The following ZNF385D variants were observed in gnomAD, a reference collection of about 807,000 sequenced individuals.
The protein encoded by ZNF385D is zinc finger protein 659.
A neutral mutation model predicts 35.8 loss-of-function variants in ZNF385D; 15 were observed. The ratio of observed to expected loss-of-function variants is 0.42; its 90% CI spans 0.28 to 0.64. ZNF385D has a LOEUF of 0.64. Among genes scored for constraint, ZNF385D ranks in the 30% least tolerant of loss-of-function variants. ZNF385D has a pLI of 0.23. For synonymous variants in ZNF385D, 212 were observed against 186.8 expected (o/e 1.13, Z -1.10); for missense variants, 474 against 494.6 (o/e 0.96, Z 0.39).
intron 3 of ZNF385D, among the ~76,000 whole-genome samples, chr3:22,062,568 T>A (rs962920320): frequency 1.3e-5 from 2 of 152,106 alleles, no homozygotes; most frequent in Non-Finnish European, 2.9e-5. Flanking sequence ...CATGCTACTT[T>A]AAAATATTTA....
At chr3:22,156,190 A>C (rs1705568404) in intron 3 of ZNF385D, among the ~76,000 whole-genome samples, 1 of 152,058 alleles carries the variant, frequency 6.6e-6, no homozygotes, top group Admixed American at 6.6e-5. Flanking sequence ...GAAAAAAATT[A>C]CCACCATATG....
At chr3:21,748,396 G>T (rs896531228) in intron 1 of ZNF385D, among the ~76,000 whole-genome samples, 2 of 127,890 alleles carry the variant, frequency 1.6e-5, no homozygotes, top group African/African-American at 5.7e-5. Flanking sequence ...GGCTATTCAG[G>T]TAGTGATTCT....
At chr3:22,174,684 G>C (rs1694697065) in intron 2 of ZNF385D, among the ~76,000 whole-genome samples, 1 of 151,934 alleles carries the variant, frequency 6.6e-6, no homozygotes, top group East Asian at 1.9e-4. Flanking sequence ...ATTATTTTTG[G>C]TTCAACGGAA....
At chr3:21,695,358 A>G (rs1052067810) in intron 1 of ZNF385D, among the ~76,000 whole-genome samples, 2 of 152,208 alleles carry the variant, frequency 1.3e-5, no homozygotes, top group Non-Finnish European at 2.9e-5. Flanking sequence ...AAGCTGATCC[A>G]TAGTGGATGG....
intron 3 of ZNF385D, among the ~76,000 whole-genome samples, chr3:21,844,190 T>C (rs1403967996): frequency 6.6e-6 from 1 of 151,990 alleles, no homozygotes; most frequent in Non-Finnish European, 1.5e-5. Flanking sequence ...TAAGATTTAG[T>C]ACATTTGTTT....
At chr3:21,435,703 A>G (rs748746363) in intron 5 of ZNF385D, among the ~76,000 whole-genome samples, 30 of 152,302 alleles carry the variant, frequency 2.0e-4, no homozygotes, top group Admixed American at 7.2e-4. Flanking sequence ...ACTACCAATG[A>G]TGTTTATACT....
intron 2 of ZNF385D, chr3:22,169,079 T>TA: frequency 1.1e-6 from 1 of 872,336 alleles, no homozygotes. Context: ...TCAAGATTTT[T>TA]AGATTACTGC....
intron 1 of ZNF385D, among the ~76,000 whole-genome samples, chr3:21,698,850 G>A (rs1047085505): frequency 1.3e-5 from 2 of 152,142 alleles, no homozygotes; most frequent in Non-Finnish European, 2.9e-5. Flanking sequence ...AACAGATGCT[G>A]GAGAGGCTGT....
intron 2 of ZNF385D, among the ~76,000 whole-genome samples, chr3:22,242,071 G>T (rs945740500): frequency 6.9e-6 from 1 of 145,932 alleles, no homozygotes; most frequent in Non-Finnish European, 1.5e-5. Flanking sequence ...TCTGGGGACT[G>T]TTGTGGGGTG....
intron 3 of ZNF385D, among the ~76,000 whole-genome samples, chr3:21,890,777 G>A (rs1358729887): frequency 6.6e-6 from 1 of 152,174 alleles, no homozygotes; most frequent in Admixed American, 6.5e-5. Context: ...ATTGCTGATG[G>A]GAAGGGGTAA....
At chr3:22,009,628 A>AT (rs1559845289) in intron 3 of ZNF385D, among the ~76,000 whole-genome samples, 4 of 86,786 alleles carry the variant, frequency 4.6e-5, no homozygotes, top group East Asian at 4.1e-4. Context: ...GTCTCAAAAA[A>AT]AAAAATAAAA....
intron 3 of ZNF385D, among the ~76,000 whole-genome samples, chr3:22,047,551 A>C (rs1318523822): frequency 6.6e-6 from 1 of 152,112 alleles, no homozygotes; most frequent in Non-Finnish European, 1.5e-5. Context: ...CTCCAAGCTC[A>C]TCCATGTTGT....
At chr3:21,797,864 T>C (rs2072222350) in intron 3 of ZNF385D, among the ~76,000 whole-genome samples, 1 of 152,164 alleles carries the variant, frequency 6.6e-6, no homozygotes, top group Non-Finnish European at 1.5e-5. Context: ...GGGGGATGCA[T>C]AGGCAGAACA....
intron 2 of ZNF385D, among the ~76,000 whole-genome samples, chr3:21,663,787 G>C (rs1486566586): frequency 6.7e-6 from 1 of 150,084 alleles, no homozygotes; most frequent in Middle Eastern, 3.4e-3. Context: ...CTAGCATATA[G>C]CTGTACTGAC....
chr3:22,180,711 A>C (rs1289174776), intron 2 of ZNF385D, among the ~76,000 whole-genome samples: 1 of 152,082 alleles, frequency 6.6e-6, no homozygotes, highest in East Asian at 1.9e-4. Flanking sequence ...TAGATGCAGA[A>C]AAGGCCTTTG....
At chr3:22,215,907 C>T (rs888108707) in intron 2 of ZNF385D, among the ~76,000 whole-genome samples, 6 of 151,946 alleles carry the variant, frequency 3.9e-5, no homozygotes, top group East Asian at 1.9e-4. Flanking sequence ...TTTCTCAGAC[C>T]GGCCGACACT....
At chr3:21,868,122 T>A (rs921052830) in intron 3 of ZNF385D, among the ~76,000 whole-genome samples, 1 of 152,132 alleles carries the variant, frequency 6.6e-6, no homozygotes, top group African/African-American at 2.4e-5. Context: ...CATTTCACTA[T>A]CATGAGCAGC....
intron 2 of ZNF385D, among the ~76,000 whole-genome samples, chr3:22,266,343 T>C (rs1197857107): frequency 1.3e-5 from 2 of 152,060 alleles, no homozygotes; most frequent in East Asian, 3.9e-4. Flanking sequence ...AATGCACATC[T>C]CTTGATCAGA....
chr3:21,429,631 A>G (rs1240030686), intron 5 of ZNF385D, among the ~76,000 whole-genome samples: 1 of 152,110 alleles, frequency 6.6e-6, no homozygotes. Context: ...CACAGTGCCA[A>G]ATTATTTTCT....
Sources: gnomAD v4.1 joint callset for allele counts (sites outside exome capture counted in the v4.1 genomes callset) on GRCh38, gnomAD v4.1.1 for gene constraint, MANE v1.5 for transcripts, NCBI Gene and HGNC (gene_info 2026-07-23, HGNC 2026-07-21) for gene names.